The following COCH variants were observed in gnomAD, a reference collection of about 807,000 sequenced individuals.
COCH encodes coagulation factor C homolog, cochlin (Limulus polyphemus).
Under a neutral mutation model 54.8 loss-of-function variants are expected in COCH, and 40 were observed. The observed-to-expected ratio is 0.73, with a 90% CI of 0.57 to 0.95. COCH has a LOEUF of 0.95. Among genes scored for constraint, COCH ranks in the 40% least tolerant of loss-of-function variants. The pLI is 0.00. For missense variants in COCH, 605 were observed against 675.0 expected (o/e 0.90, Z 1.15); for synonymous variants, 256 against 237.9 (o/e 1.08, Z -0.70).
At position 30,880,472 on chromosome 14, in the gene COCH, C is replaced by A; in HGVS notation, c.457C>A (p.Pro153Thr). 1 of 1,614,098 alleles carries A rather than the reference C, an allele frequency of 6.2e-7. No homozygotes were observed. Among genetic ancestry groups the A allele is most frequent in the Non-Finnish European group, 8.5e-7 (1 of 1,180,022 alleles). Residue 153 changes from proline (P) to threonine (T), a missense_variant, in exon 7 of 12, where the codon CCC becomes ACC. Physicochemically the swap from Pro to Thr is conservative, Grantham distance 38 (BLOSUM62 -1). Transcript: ENST00000396618. ...PPTGKRLKKT[P>T]EKKTGNKDCK... ...TTCAGGTAAACGACTAAAGAAAACA[C>A]CCGAGAAGAAAACTGGCAATAAAGG...
chr14:30,875,104 G>A lies in COCH; in HGVS notation c.82+1G>A. Reference sequence around the variant, plus strand: ...GGGCCCGCGGGCAGCGAGGGAGCCGGTGAGTGGGGGAGCTGGGGTGCGTCC... The same window carrying A: ...GGGCCCGCGGGCAGCGAGGGAGCCGATGAGTGGGGGAGCTGGGGTGCGTCC... On this transcript the variant is annotated splice_donor_variant, in intron 3 of 11. Transcript: ENST00000396618. LOFTEE classifies it high-confidence loss of function. 1.3e-6 allele frequency: 2 copies of A among 1,565,682 alleles called. No individual in the cohort carries two copies. The highest frequency in any genetic ancestry group is 1.7e-6 in the Non-Finnish European group (2 of 1,155,926).
chr14:30,881,686 CG>C, intron 8 of COCH, among the ~76,000 whole-genome samples: 1 of 152,062 alleles, frequency 6.6e-6, no homozygotes. Flanking sequence ...TGGCCAGGTG[CG>C]GTGGCTCACG....
At chr14:30,879,346 G>A (rs1400662250) in intron 5 of COCH, 77 bp from the exon 6 acceptor site, 6 of 1,400,574 alleles carry the variant, frequency 4.3e-6, no homozygotes, top group Non-Finnish European at 6.0e-6. Context: ...TGTCATTGTA[G>A]AGAGCTCTAA....
downstream of COCH, among the ~76,000 whole-genome samples, chr14:30,892,404 A>T (rs1896004422): frequency 6.6e-6 from 1 of 152,194 alleles, no homozygotes; most frequent in African/African-American, 2.4e-5. Context: ...GGAAAAGCTT[A>T]TTCTTTATTT....
intron 11 of COCH, among the ~76,000 whole-genome samples, chr14:30,888,713 C>A (rs1391679494): frequency 1.3e-5 from 2 of 151,708 alleles, no homozygotes; most frequent in African/African-American, 4.8e-5. Flanking sequence ...ATAGTTTGAG[C>A]CCAGGAAGTT....
intron 6 of COCH, among the ~76,000 whole-genome samples, chr14:30,879,688 G>A (rs1895500157): frequency 6.6e-6 from 1 of 152,144 alleles, no homozygotes; most frequent in Non-Finnish European, 1.5e-5. Context: ...CTGTTGCTCA[G>A]GCTGGAGTAC....
intron 6 of COCH, among the ~76,000 whole-genome samples, chr14:30,880,054 C>T (rs1895516536): frequency 6.6e-6 from 1 of 152,186 alleles, no homozygotes; most frequent in African/African-American, 2.4e-5. Flanking sequence ...GTTCCATTTG[C>T]TTCATTAAAT....
intron 6 of COCH, 76 bp downstream of exon 6, chr14:30,879,561 A>G: frequency 6.8e-7 from 1 of 1,476,192 alleles, no homozygotes; most frequent in Non-Finnish European, 9.5e-7. Flanking sequence ...TTGTTGGTAG[A>G]AGCTTTTCTT....
chr14:30,886,910 G>T lies in COCH; in HGVS notation c.1477+598G>T, dbSNP rs897674952. Among the ~76,000 whole-genome samples, 3 of 152,052 alleles carry T rather than the reference G, an allele frequency of 2.0e-5. No individual in the cohort carries two copies. In the South Asian group the frequency reaches 6.2e-4, roughly 32 times the overall value. The stretch of plus-strand genomic sequence containing the variant: ...TTTTTAAATTTTTTTGGGGAGAGAC[G>T]GGGGTCTCACTTTGTTGCCCAGGCT... On this transcript the variant is annotated intron_variant, in intron 11 of 11. Coordinates refer to ENST00000396618, the MANE Select transcript of COCH (RefSeq NM_004086.3).
Position 30,880,624 on chromosome 14 carries a change from C to T in COCH, c.519C>T (p.Ser173=), listed in dbSNP as rs771252412. Residue 173 remains serine (S), a synonymous_variant, in exon 8 of 12, where the codon AGC becomes AGT. Coordinates refer to ENST00000396618, the MANE Select transcript of COCH (RefSeq NM_004086.3). ...KADIAFLIDG[S]FNIGQRRFNL... is the part of the protein sequence containing the mutation. ...ACATTGCATTTCTGATTGATGGAAG[C>T]TTTAATATTGGGCAGCGCCGATTTA... 28 of 1,613,978 alleles carry T rather than the reference C, an allele frequency of 1.7e-5. No individual in the cohort carries two copies. Among genetic ancestry groups the T allele is most frequent in the East Asian group, 2.2e-5 (1 of 44,880 alleles).
At position 30,878,858 on chromosome 14, in the gene COCH, C is replaced by G; in HGVS notation, c.287C>G (p.Pro96Arg). The change falls in exon 5 of 12, where the codon CCT becomes CGT. Residue 96 changes from proline to arginine, a missense_variant. Transcript: ENST00000396618. ...GGACCTGTACGAGTCTATAGCCTACCTGGTCGAGAAAACTATTCCTCAGTA... is the reference window on the plus strand; with the variant it reads ...GGACCTGTACGAGTCTATAGCCTACGTGGTCGAGAAAACTATTCCTCAGTA... ...SGGPVRVYSL[P>R]GRENYSSVDA... 6.2e-7 allele frequency: 1 copy of G among 1,614,166 alleles called. No homozygotes were observed. Among genetic ancestry groups the G allele is most frequent in the Non-Finnish European group, 8.5e-7 (1 of 1,180,036 alleles).
chr14:30,893,500 T>C (rs565331971), downstream of COCH, among the ~76,000 whole-genome samples: 236 of 152,308 alleles, frequency 1.5e-3, no homozygotes, highest in African/African-American at 5.3e-3. Context: ...TTCAATGTAG[T>C]TTATTCCTTG....
Position 30,877,873 on chromosome 14 carries a change from T to C in COCH, c.239+145T>C, listed in dbSNP as rs894360995. ...GAAAATGGATATATTTTCACGGTTC[T>C]CCTGGATATACTTGAAACACCAAAT... On this transcript the variant is annotated intron_variant, in intron 4 of 11. Transcript: ENST00000396618. This position sits in a 1 kb window ranked among gnomAD's most constrained non-coding sequence, Gnocchi z 8.6. 7.1e-7 allele frequency: 1 copy of C among 1,409,152 alleles called. No individual in the cohort carries two copies. The allele number at this position is 1,409,152 out of a possible 1,614,324, so 87.3% of individuals were successfully genotyped here.
At chr14:30,882,188 G>C (rs1227363686) in intron 8 of COCH, among the ~76,000 whole-genome samples, 3 of 120,030 alleles carry the variant, frequency 2.5e-5, no homozygotes, top group African/African-American at 9.6e-5. Flanking sequence ...GGAATGCAAT[G>C]GCACGATCTT....
rs775079663 is a variant in COCH at position 30,886,032 on chromosome 14, C to A, written c.1197C>A (p.Ile399=). The change falls in exon 11 of 12, where the codon ATC becomes ATA. Residue 399 remains isoleucine (I), a synonymous_variant. Coordinates refer to ENST00000396618, the MANE Select transcript of COCH (RefSeq NM_004086.3). ...CCAACATAGCCAAGACTTTTGAAAT[C>A]TCGGACATTGGTGCCAAGATAGCTG... ...FVSNIAKTFE[I]SDIGAKIAAV... The A allele has an allele frequency of 1.9e-6, 3 of 1,614,236 alleles. No individual in the cohort carries two copies. The highest frequency in any genetic ancestry group is 4.5e-5 in the East Asian group (2 of 44,886).
intron 4 of COCH, among the ~76,000 whole-genome samples, chr14:30,878,608 G>T (rs941961273): frequency 2.6e-5 from 4 of 152,200 alleles, no homozygotes; most frequent in Non-Finnish European, 5.9e-5. Flanking sequence ...AGTGAGCCGA[G>T]ATCGCGCCAC....
chr14:30,885,934 A>C lies in COCH; in HGVS notation c.1099A>C (p.Asn367His). 1 of 1,614,230 alleles carries C rather than the reference A, an allele frequency of 6.2e-7. No individual in the cohort carries two copies. The highest frequency in any genetic ancestry group is 8.5e-7 in the Non-Finnish European group (1 of 1,180,024). ...MCSKTCYNSV[N>H]IAFLIDGSSS... ...CAGCAAGACCTGTTATAACTCAGTG[A>C]ACATTGCCTTTCTAATTGATGGCTC... The change falls in exon 11 of 12, where the codon AAC becomes CAC. Residue 367 changes from asparagine (N) to histidine (H), a missense_variant. Asn to His is a moderately conservative substitution (Grantham distance 68, BLOSUM62 1). Transcript: ENST00000396618.
chr14:30,882,122 T>TTTTTTTTTTTTGTTTTGTTTTG (rs1333563271), intron 8 of COCH, among the ~76,000 whole-genome samples: 7 of 92,584 alleles, frequency 7.6e-5, no homozygotes, highest in African/African-American at 2.6e-4. Context: ...ATAAAATGGT[T>TTTTTTTTTTTTGTTTTGTTTTG]TTTTTTTTTT....
At chr14:30,892,945 GCATT>G (rs1896021573), downstream of COCH, among the ~76,000 whole-genome samples, 1 of 152,082 alleles carries the variant, frequency 6.6e-6, no homozygotes, top group African/African-American at 2.4e-5. Flanking sequence ...ACAGCAGCAA[GCATT>G]CAAATTGAAT....
Sources: gnomAD v4.1 joint callset for allele counts (sites outside exome capture counted in the v4.1 genomes callset) on GRCh38, gnomAD v4.1.1 for gene constraint, Gnocchi (gnomAD v3.1) non-coding constraint, MANE v1.5 for transcripts, NCBI Gene and HGNC (gene_info 2026-07-23, HGNC 2026-07-21) for gene names.